The following ITCH variants were observed in gnomAD, a reference collection of about 807,000 sequenced individuals.
ITCH encodes E3 ubiquitin-protein ligase Itchy homolog.
ITCH carries 28 observed loss-of-function variants against 126.8 expected under a neutral mutation model. The ratio of observed to expected loss-of-function variants is 0.22; its 90% CI spans 0.16 to 0.30. The LOEUF is 0.30. Ranked by LOEUF, ITCH falls within the 10% of genes least tolerant of loss-of-function variation. The probability of loss-of-function intolerance (pLI) is 1.00; values close to 1 mark genes in which losing one functional copy is unlikely to be tolerated. For synonymous variants in ITCH, 342 were observed against 340.0 expected (o/e 1.01, Z -0.06); for missense variants, 631 against 1,032.4 (o/e 0.61, Z 5.33).
chr20:34,370,534 T>A (rs1432398092), intron 2 of ITCH, among the ~76,000 whole-genome samples: 1 of 151,814 alleles, frequency 6.6e-6, no homozygotes, highest in African/African-American at 2.4e-5. Context: ...TGTGATGTCA[T>A]GTGCCTGTAT....
chr20:34,507,290 GGTT>G (rs1555887355), intron 24 of ITCH, among the ~76,000 whole-genome samples: 13 of 70,006 alleles, frequency 1.9e-4, no homozygotes, highest in Admixed American at 3.3e-4. Context: ...TTTTTTTTTT[GGTT>G]GTTGTTGTTG....
rs1979385412 is a variant in ITCH, at chr20:34,413,681, G to T, written c.338-61G>T. 3.3e-6 allele frequency: 5 copies of T among 1,498,734 alleles called. No individual in the cohort carries two copies. In the Middle Eastern group the frequency reaches 5.3e-4, roughly 157 times the overall value. 92.8% of individuals were successfully genotyped at this position (1,498,734 alleles called of 1,614,324 possible). A position where few individuals can be genotyped will look rare whatever the true frequency, so the allele number is the denominator to read the frequency against. ...CATTTTTAACAGTTAATTTTTAACA[G>T]TTAAGATGCCTTAACTGGGAAAAAA... On this transcript the variant is annotated intron_variant, in intron 5 of 24. Coordinates refer to ENST00000374864, the MANE Select transcript of ITCH (RefSeq NM_031483.7).
At chr20:34,452,591 A>C (rs1985396272) in intron 12 of ITCH, among the ~76,000 whole-genome samples, 1 of 152,216 alleles carries the variant, frequency 6.6e-6, no homozygotes, top group African/African-American at 2.4e-5. Context: ...CCAGGTTGAT[A>C]GAATCCCATC....
At chr20:34,493,531 A>G (rs1380552965) in intron 23 of ITCH, among the ~76,000 whole-genome samples, 1 of 152,224 alleles carries the variant, frequency 6.6e-6, no homozygotes, top group African/African-American at 2.4e-5. Context: ...AAGAGGGGGT[A>G]GATACTAGGT....
chr20:34,368,006 C>T (rs1405232298), intron 1 of ITCH, among the ~76,000 whole-genome samples: 1 of 152,142 alleles, frequency 6.6e-6, no homozygotes, highest in Non-Finnish European at 1.5e-5. Flanking sequence ...CGCGGTGGCT[C>T]ATGCCTGTAA....
intron 3 of ITCH, 129 bp downstream of exon 3, chr20:34,394,010 T>A: frequency 1.2e-6 from 1 of 849,734 alleles, no homozygotes; most frequent in African/African-American, 1.7e-5. Flanking sequence ...GGTGGGCGGG[T>A]CACTTGAGGC....
intron 3 of ITCH, chr20:34,401,770 A>G (rs1445049623): frequency 1.6e-5 from 5 of 303,894 alleles, no homozygotes; most frequent in African/African-American, 2.3e-5. Context: ...GGAGGGGGAA[A>G]AAAAACCACT....
intron 23 of ITCH, among the ~76,000 whole-genome samples, chr20:34,495,294 AATATAT>A (rs56706640): frequency 5.8e-5 from 7 of 120,504 alleles, no homozygotes; most frequent in Admixed American, 8.5e-5. Flanking sequence ...AAATAAATAA[AATATAT>A]ATATATATAT....
intron 16 of ITCH, chr20:34,475,959 C>T (rs1988177719): frequency 5.1e-6 from 8 of 1,568,320 alleles, no homozygotes; most frequent in Non-Finnish European, 7.0e-6. Context: ...GATTGTCTGG[C>T]ATCAGCCACT....
intron 13 of ITCH, 113 bp downstream of exon 13, chr20:34,457,587 C>G: frequency 1.4e-6 from 1 of 734,566 alleles, no homozygotes. Flanking sequence ...ACGTTAATCA[C>G]CTACATACTT....
intron 3 of ITCH, chr20:34,402,507 C>T (rs2038922319): frequency 1.3e-6 from 1 of 757,218 alleles, no homozygotes; most frequent in Non-Finnish European, 2.5e-6. Flanking sequence ...GTGGATAACT[C>T]AGCAGTCATA....
At chr20:34,490,041 G>T (rs867555830) in intron 22 of ITCH, 115 bp downstream of exon 22, 1 of 724,272 alleles carries the variant, frequency 1.4e-6, no homozygotes. Context: ...AGACCCCTTA[G>T]TCCATGCATT....
chr20:34,490,966 T>C (rs368916001), intron 22 of ITCH, among the ~76,000 whole-genome samples: 7 of 152,318 alleles, frequency 4.6e-5, no homozygotes, highest in African/African-American at 1.7e-4. Context: ...ATCCTTTATA[T>C]CCATCATAAG....
chr20:34,431,238 A>AC (rs1982253467), intron 7 of ITCH, among the ~76,000 whole-genome samples: 2 of 152,056 alleles, frequency 1.3e-5, no homozygotes, highest in South Asian at 2.1e-4. Flanking sequence ...ACAAAGCGAG[A>AC]CCCCATCTCT....
At chr20:34,464,745 C>G (rs1002105034) in intron 14 of ITCH, among the ~76,000 whole-genome samples, 1 of 151,782 alleles carries the variant, frequency 6.6e-6, no homozygotes, top group Admixed American at 6.6e-5. Flanking sequence ...GAGTCTCACT[C>G]TGTCGCCCAG....
At chr20:34,461,483 G>T (rs1286165602) in intron 13 of ITCH, among the ~76,000 whole-genome samples, 1 of 152,090 alleles carries the variant, frequency 6.6e-6, no homozygotes, top group African/African-American at 2.4e-5. Context: ...GGCTGAGGTG[G>T]GAGGATCACA....
At chr20:34,477,984 A>G (rs2146457927) in intron 17 of ITCH, 124 bp downstream of exon 17, 1 of 1,256,574 alleles carries the variant, frequency 8.0e-7, no homozygotes, top group Middle Eastern at 2.2e-4. Flanking sequence ...AAATTATTAT[A>G]CCTTTATTAT....
intron 2 of ITCH, among the ~76,000 whole-genome samples, chr20:34,382,952 C>G (rs1048713950): frequency 1.3e-5 from 2 of 151,852 alleles, no homozygotes; most frequent in African/African-American, 2.4e-5. Flanking sequence ...CCATGTTGGT[C>G]AGGCTGGTCT....
rs750748659 is a variant in ITCH at position 34,442,194 on chromosome 20, A to C, written c.870-14A>C. 1 of 1,602,252 alleles carries C rather than the reference A, an allele frequency of 6.2e-7. No homozygotes were observed. The highest frequency in any genetic ancestry group is 8.6e-7 in the Non-Finnish European group (1 of 1,169,214). On this transcript the variant is annotated splice_polypyrimidine_tract_variant and intron_variant, in intron 9 of 24. Coordinates refer to ENST00000374864, the MANE Select transcript of ITCH (RefSeq NM_031483.7). ...ATGCAAGTATTTTACCAGCCTTTTA[A>C]TTTTGTATTTAAGTTGGGAGCAGAG...
Sources: gnomAD v4.1 joint callset for allele counts (sites outside exome capture counted in the v4.1 genomes callset) on GRCh38, gnomAD v4.1.1 for gene constraint, MANE v1.5 for transcripts, NCBI Gene and HGNC (gene_info 2026-07-23, HGNC 2026-07-21) for gene names.